TMTC2: variants seen among roughly 807,000 people sequenced by gnomAD.
The protein encoded by TMTC2 is protein O-mannosyl-transferase TMTC2.
A neutral mutation model predicts 82.4 loss-of-function variants in TMTC2; 43 were observed. The observed-to-expected ratio is 0.52, with a 90% CI of 0.41 to 0.67. The LOEUF is 0.67. Ranked by LOEUF, TMTC2 falls within the 30% of genes least tolerant of loss-of-function variation. The pLI is 0.00. For missense variants in TMTC2, 919 were observed against 1,012.4 expected, an observed-to-expected ratio of 0.91 and a Z score of 1.25; for synonymous variants, 408 against 381.9, an observed-to-expected ratio of 1.07 and a Z score of -0.80.
At chr12:82,903,484 T>A (rs1367324054) in intron 3 of TMTC2, among the ~76,000 whole-genome samples, 2 of 152,200 alleles carry the variant, frequency 1.3e-5, no homozygotes, top group Non-Finnish European at 2.9e-5. Flanking sequence ...CGATCTCGCC[T>A]CACTGCAAGC....
At chr12:82,859,810 C>T (rs921064980) in intron 2 of TMTC2, among the ~76,000 whole-genome samples, 5 of 152,140 alleles carry the variant, frequency 3.3e-5, no homozygotes, top group Non-Finnish European at 5.9e-5. Context: ...TGGCGACCAC[C>T]ACTTGCAGGG....
At chr12:82,870,431 C>CTGTT (rs1872116365) in intron 2 of TMTC2, among the ~76,000 whole-genome samples, 1 of 152,224 alleles carries the variant, frequency 6.6e-6, no homozygotes, top group Non-Finnish European at 1.5e-5. Context: ...CATGGTGTTA[C>CTGTT]TGTTTGAAAT....
intron 11 of TMTC2, among the ~76,000 whole-genome samples, chr12:83,063,984 G>C (rs368959677): frequency 7.4e-6 from 1 of 134,410 alleles, no homozygotes; most frequent in Non-Finnish European, 1.7e-5. Context: ...TGAATTTGAA[G>C]TCTTATTATT....
At chr12:82,910,559 G>A (rs563660520) in intron 3 of TMTC2, among the ~76,000 whole-genome samples, 1 of 152,312 alleles carries the variant, frequency 6.6e-6, no homozygotes, top group African/African-American at 2.4e-5. Flanking sequence ...TGTATCCCAG[G>A]GTTTCTTACC....
intron 7 of TMTC2, among the ~76,000 whole-genome samples, chr12:82,969,997 T>C (rs923672071): frequency 1.6e-4 from 24 of 152,202 alleles, no homozygotes; most frequent in African/African-American, 5.8e-4. Context: ...TCACAAAATA[T>C]GTGTTAAATT....
chr12:82,919,399 T>C (rs1412431002), intron 3 of TMTC2, among the ~76,000 whole-genome samples: 2 of 152,332 alleles, frequency 1.3e-5, no homozygotes, highest in South Asian at 2.1e-4. Context: ...ATGCAAACCA[T>C]ACATTTTGTA....
At chr12:83,023,208 T>A (rs1253723457) in intron 8 of TMTC2, among the ~76,000 whole-genome samples, 3 of 152,210 alleles carry the variant, frequency 2.0e-5, no homozygotes, top group African/African-American at 7.2e-5. Flanking sequence ...CTCTCTTTAT[T>A]TGGGAAATTT....
chr12:83,116,092 GAGTCCCTGA>G (rs1210695172), intron 11 of TMTC2, among the ~76,000 whole-genome samples: 1 of 152,018 alleles, frequency 6.6e-6, no homozygotes, highest in East Asian at 1.9e-4. Flanking sequence ...CTTTCCTCCT[GAGTCCCTGA>G]AGTCCATTGT....
At chr12:82,796,172 G>A (rs1878708210) in intron 1 of TMTC2, among the ~76,000 whole-genome samples, 1 of 152,088 alleles carries the variant, frequency 6.6e-6, no homozygotes, top group Admixed American at 6.6e-5. Context: ...GTGGAGTTTT[G>A]GGAGGAGACT....
chr12:82,714,434 A>G (rs1242549612), intron 1 of TMTC2, among the ~76,000 whole-genome samples: 1 of 152,210 alleles, frequency 6.6e-6, no homozygotes, highest in African/African-American at 2.4e-5. Context: ...GTGCTTCCTT[A>G]TCAGAAAGGT....
In TMTC2 at chr12:82,710,050, A is replaced by G. The variant is rs577067352; in HGVS notation, c.83+22381A>G. Among the ~76,000 whole-genome samples, 259 of 152,334 alleles carry G rather than the reference A, an allele frequency of 1.7e-3. 1 individual carries two copies. The highest frequency in any genetic ancestry group is 6.0e-3 in the African/African-American group (251 of 41,574). Reference sequence around the variant, plus strand: ...AAAGTGTCCAGGCAGCGCTTACATTATGTAAGGCTTGGAGGTATTTTGATG... The same window carrying G: ...AAAGTGTCCAGGCAGCGCTTACATTGTGTAAGGCTTGGAGGTATTTTGATG... On this transcript the variant is annotated intron_variant, in intron 1 of 11. Transcript: ENST00000321196.
intron 2 of TMTC2, among the ~76,000 whole-genome samples, 168 bp downstream of exon 2, chr12:82,857,748 G>A (rs1429289394): frequency 6.6e-6 from 1 of 151,968 alleles, no homozygotes; most frequent in African/African-American, 2.4e-5. Context: ...TACTAAGCAG[G>A]GTTTTAGTCA....
intron 8 of TMTC2, among the ~76,000 whole-genome samples, chr12:82,992,251 A>G (rs1252604577): frequency 2.6e-5 from 4 of 152,188 alleles, no homozygotes; most frequent in Admixed American, 1.3e-4. Context: ...ATTATTATTT[A>G]GAGCTAAGAC....
intron 2 of TMTC2, among the ~76,000 whole-genome samples, chr12:82,872,262 A>G (rs1393023122): frequency 6.6e-6 from 1 of 152,150 alleles, no homozygotes; most frequent in Non-Finnish European, 1.5e-5. Flanking sequence ...ATTGGCCTGC[A>G]GGGGCATATC....
At chr12:82,894,540 A>G (rs936558651) in intron 2 of TMTC2, among the ~76,000 whole-genome samples, 1 of 152,210 alleles carries the variant, frequency 6.6e-6, no homozygotes, top group Non-Finnish European at 1.5e-5. Flanking sequence ...GTCATTGAGT[A>G]AGACAATTCT....
chr12:82,917,848 C>T lies in TMTC2; in HGVS notation c.1484-12583C>T, dbSNP rs976958642. 4.0e-5 allele frequency among the ~76,000 whole-genome samples: 6 copies of T among 150,496 alleles called. No homozygotes were observed. In the East Asian group the frequency reaches 5.8e-4, roughly 15 times the overall value. On this transcript the variant is annotated intron_variant, in intron 3 of 11. Coordinates refer to ENST00000321196, the MANE Select transcript of TMTC2 (RefSeq NM_152588.3). ...TGATCTCCTGACCTCGTGATCCACC[C>T]GCCTTGGCCTCCCAAGTGCTGGGAT...
intron 8 of TMTC2, among the ~76,000 whole-genome samples, chr12:83,006,312 C>T (rs989556081): frequency 2.6e-5 from 4 of 152,232 alleles, no homozygotes; most frequent in Admixed American, 6.5e-5. Context: ...TGATTTGCTC[C>T]ATATTTTGGT....
intron 11 of TMTC2, among the ~76,000 whole-genome samples, chr12:83,127,438 A>G (rs569810085): frequency 2.0e-5 from 3 of 152,190 alleles, no homozygotes; most frequent in African/African-American, 7.2e-5. Context: ...ACAGAGACCA[A>G]TGGGATACAA....
At chr12:82,809,698 G>A (rs2137047673) in intron 1 of TMTC2, among the ~76,000 whole-genome samples, 1 of 152,246 alleles carries the variant, frequency 6.6e-6, no homozygotes, top group East Asian at 1.9e-4. Context: ...AGCAGATTCT[G>A]TGTATGCAAT....
Sources: gnomAD v4.1 joint callset for allele counts (sites outside exome capture counted in the v4.1 genomes callset) on GRCh38, gnomAD v4.1.1 for gene constraint, MANE v1.5 for transcripts, NCBI Gene and HGNC (gene_info 2026-07-23, HGNC 2026-07-21) for gene names.